Variants in RBFOX1 observed in about 807,000 individuals in gnomAD.
The protein encoded by RBFOX1 is RNA binding fox-1 homolog 1.
RBFOX1 carries 8 observed loss-of-function variants against 57.7 expected under a neutral mutation model. That is an observed-to-expected ratio of 0.14 (90% confidence interval 0.08 to 0.25). RBFOX1 has a LOEUF of 0.25. Among genes scored for constraint, RBFOX1 ranks in the 10% least tolerant of loss-of-function variants. The pLI is 1.00. For synonymous variants in RBFOX1, 326 were observed against 222.4 expected (o/e 1.47, Z -4.15); for missense variants, 611 against 548.5 (o/e 1.11, Z -1.14).
At chr16:6,245,291 T>G (rs1461606749) in intron 1 of RBFOX1, among the ~76,000 whole-genome samples, 1 of 152,332 alleles carries the variant, frequency 6.6e-6, no homozygotes, top group African/African-American at 2.4e-5. Context: ...CTTTCATTGC[T>G]TTAATGAAAT....
At chr16:5,356,527 C>T (rs2065393863) in intron 1 of RBFOX1, among the ~76,000 whole-genome samples, 1 of 152,168 alleles carries the variant, frequency 6.6e-6, no homozygotes, top group Non-Finnish European at 1.5e-5. Context: ...AAAGGATAGA[C>T]TGGATTGTCA....
chr16:6,043,455 AG>A (rs2095463010), intron 1 of RBFOX1, among the ~76,000 whole-genome samples: 1 of 152,168 alleles, frequency 6.6e-6, no homozygotes, highest in Admixed American at 6.5e-5. Context: ...GCTATATCAG[AG>A]TCAGGTTGGA....
intron 3 of RBFOX1, among the ~76,000 whole-genome samples, chr16:5,731,406 C>T (rs1482115745): frequency 3.3e-5 from 5 of 152,118 alleles, no homozygotes; most frequent in East Asian, 1.9e-4. Flanking sequence ...TGCTAAAACC[C>T]CACCTGCAGC....
chr16:6,716,729 C>T (rs2064902131), intron 3 of RBFOX1, among the ~76,000 whole-genome samples: 1 of 152,134 alleles, frequency 6.6e-6, no homozygotes, highest in Non-Finnish European at 1.5e-5. Flanking sequence ...GGCATGTAAC[C>T]CAATTCTATC....
At position 7,587,132 on chromosome 16, in the gene RBFOX1, T is replaced by A. The variant is rs187643589; in HGVS notation, c.415-115T>A. 9.4e-5 allele frequency: 115 copies of A among 1,219,848 alleles called. No individual in the cohort carries two copies. In the East Asian group the frequency reaches 3.1e-3, roughly 33 times the overall value. The allele number at this position is 1,219,848 out of a possible 1,614,324, so 75.6% of individuals were successfully genotyped here. ...CACATTAACCATAAAACATAAAATG[T>A]GTATCCTTGGTATTAAAAGAGAAAA... On this transcript the variant is annotated intron_variant, in intron 6 of 15. Coordinates refer to ENST00000550418, the MANE Select transcript of RBFOX1 (RefSeq NM_018723.4).
rs1274903257 is a variant in RBFOX1, at chr16:6,529,904, C to T, written c.-63-124699C>T. Among the ~76,000 whole-genome samples the T allele has an allele frequency of 2.0e-5, 3 of 152,132 alleles. No homozygotes were observed. In the East Asian group the frequency reaches 5.8e-4, roughly 29 times the overall value. On this transcript the variant is annotated intron_variant, in intron 2 of 15. Coordinates refer to ENST00000550418, the MANE Select transcript of RBFOX1 (RefSeq NM_018723.4). ...CATGAGGTGACTTTTTCTCCACTCA[C>T]TGCTCCCAAATTCAGAATTGCATAT...
chr16:5,356,197 A>C (rs2065384086), intron 1 of RBFOX1, among the ~76,000 whole-genome samples: 1 of 152,188 alleles, frequency 6.6e-6, no homozygotes, highest in Non-Finnish European at 1.5e-5. Context: ...AAGGGGTGGC[A>C]AGGATTTTTG....
intron 3 of RBFOX1, among the ~76,000 whole-genome samples, chr16:6,866,574 C>T (rs2059960309): frequency 1.6e-5 from 1 of 61,394 alleles, no homozygotes. Flanking sequence ...TGGAGTCTCG[C>T]TCTGTCCCCC....
At chr16:7,109,954 T>C (rs1469430276) in intron 4 of RBFOX1, among the ~76,000 whole-genome samples, 3 of 152,058 alleles carry the variant, frequency 2.0e-5, no homozygotes, top group African/African-American at 7.2e-5. Flanking sequence ...AAAACTGTGA[T>C]AGGGGTTATT....
intron 4 of RBFOX1, among the ~76,000 whole-genome samples, chr16:7,112,056 G>A (rs932885948): frequency 6.6e-6 from 1 of 152,180 alleles, no homozygotes; most frequent in African/African-American, 2.4e-5. Flanking sequence ...GTAAGTGTGT[G>A]TGTGAGAGAG....
intron 2 of RBFOX1, among the ~76,000 whole-genome samples, chr16:6,360,031 T>A (rs1422720499): frequency 1.3e-5 from 2 of 152,198 alleles, no homozygotes; most frequent in Non-Finnish European, 1.5e-5. Flanking sequence ...TTTTGCTTAT[T>A]TTCAATATGC....
rs1315621712 is a variant in RBFOX1 at position 7,713,238 on chromosome 16, T to C, written c.*2493T>C. 1 of 152,232 alleles carries C rather than the reference T, an allele frequency of 6.6e-6. No homozygotes were observed. Among genetic ancestry groups the C allele is most frequent in the African/African-American group, 2.4e-5 (1 of 41,454 alleles). The allele number at this position is 152,232 out of a possible 1,614,324, so 9.4% of individuals were successfully genotyped here. A position where few individuals can be genotyped will look rare whatever the true frequency, so the allele number is the denominator to read the frequency against. On this transcript the variant is annotated 3_prime_UTR_variant, in exon 16 of 16. Coordinates refer to ENST00000550418, the MANE Select transcript of RBFOX1 (RefSeq NM_018723.4). ...AATCTGCAAACCCAGAAAATGTGTA[T>C]ATCTGTCTTTAGAAATTAGTGTTTA...
intron 3 of RBFOX1, among the ~76,000 whole-genome samples, chr16:6,694,344 C>T (rs899794890): frequency 5.9e-5 from 9 of 152,030 alleles, no homozygotes; most frequent in South Asian, 2.1e-4. Context: ...TTGGAGTTGG[C>T]GGAGATTAAT....
chr16:7,478,153 C>G (rs1260074659), intron 4 of RBFOX1, among the ~76,000 whole-genome samples: 4 of 152,204 alleles, frequency 2.6e-5, no homozygotes, highest in Non-Finnish European at 5.9e-5. Flanking sequence ...TAGAATGCAT[C>G]TGTAAAAGAA....
intron 1 of RBFOX1, among the ~76,000 whole-genome samples, chr16:6,116,072 A>G (rs948620042): frequency 1.3e-5 from 2 of 152,212 alleles, no homozygotes; most frequent in Admixed American, 1.3e-4. Flanking sequence ...CATATACACC[A>G]TAGAATGCTA....
chr16:6,237,492 C>G (rs1386090156), intron 1 of RBFOX1, among the ~76,000 whole-genome samples: 3 of 152,158 alleles, frequency 2.0e-5, no homozygotes, highest in African/African-American at 7.2e-5. Flanking sequence ...AAAGAAATAC[C>G]TGCCTTATTG....
intron 3 of RBFOX1, among the ~76,000 whole-genome samples, chr16:5,860,170 C>A (rs902621856): frequency 6.6e-6 from 1 of 152,118 alleles, no homozygotes; most frequent in Non-Finnish European, 1.5e-5. Context: ...GCAACCTCCG[C>A]CTCCTGGATT....
At chr16:7,010,943 A>G (rs2093625727) in intron 3 of RBFOX1, among the ~76,000 whole-genome samples, 1 of 152,338 alleles carries the variant, frequency 6.6e-6, no homozygotes, top group South Asian at 2.1e-4. Flanking sequence ...GAGTCTTAGC[A>G]GGGCCTTGGG....
intron 3 of RBFOX1, among the ~76,000 whole-genome samples, chr16:6,857,943 T>G (rs918353432): frequency 6.6e-6 from 1 of 152,182 alleles, no homozygotes; most frequent in Non-Finnish European, 1.5e-5. Flanking sequence ...TTTTTAAGCA[T>G]CAAGACAATA....
Sources: gnomAD v4.1 joint callset for allele counts (sites outside exome capture counted in the v4.1 genomes callset) on GRCh38, gnomAD v4.1.1 for gene constraint, MANE v1.5 for transcripts, NCBI Gene and HGNC (gene_info 2026-07-23, HGNC 2026-07-21) for gene names.